Variants in GSE1 observed in about 807,000 individuals in gnomAD.
The protein encoded by GSE1 is genetic suppressor element 1.
In GSE1, 32 loss-of-function variants were observed where a neutral mutation model predicts 112.6. The ratio of observed to expected loss-of-function variants is 0.28; its 90% CI spans 0.21 to 0.38. The LOEUF (loss-of-function observed/expected upper bound fraction) is 0.38, where lower values mean the gene tolerates loss of function less well. GSE1 is among the 10% of genes least tolerant of loss of function. GSE1 has a pLI of 1.00. For synonymous variants in GSE1, 1,115 were observed against 735.6 expected, an observed-to-expected ratio of 1.52 and a Z score of -8.35; for missense variants, 2,348 against 1,699.2, an observed-to-expected ratio of 1.38 and a Z score of -6.71.
chr16:85,671,247 C>A, intron 15 of GSE1, 149 bp downstream of exon 15: 1 of 508,442 alleles, frequency 2.0e-6, no homozygotes, highest in South Asian at 2.3e-5. Context: ...GAGACCATCC[C>A]GGCTAAAACG....
intron 1 of GSE1, among the ~76,000 whole-genome samples, chr16:85,186,320 A>G (rs969016733): frequency 1.3e-5 from 2 of 151,740 alleles, no homozygotes; most frequent in African/African-American, 2.4e-5. Flanking sequence ...TAATTAAAAA[A>G]TTGTCCGGGT....
chr16:85,581,421 C>T (rs1419472431), intron 1 of GSE1, among the ~76,000 whole-genome samples: 3 of 152,176 alleles, frequency 2.0e-5, no homozygotes, highest in Admixed American at 6.5e-5. Context: ...TGGGAAGGGT[C>T]TCTGCTGAAG....
chr16:85,333,470 C>T lies in GSE1; in HGVS notation c.2284-23993C>T, dbSNP rs146153796. On this transcript the variant is annotated intron_variant, in intron 1 of 2. Coordinates refer to the GSE1 transcript ENST00000637419. ...GGCTCCTCTGAGTGCGGCTGCAGCC[C>T]GGCCTCGGGCCCTTCCACTTTGCCC... is the stretch of plus-strand genomic sequence containing the variant. Among the ~76,000 whole-genome samples the T allele has an allele frequency of 4.3e-3, 652 of 152,346 alleles. 9 individuals are homozygous for T. The highest frequency in any genetic ancestry group is 0.015 in the African/African-American group (616 of 41,588).
chr16:85,492,812 T>G (rs1306834794), intron 2 of GSE1, among the ~76,000 whole-genome samples: 1 of 152,168 alleles, frequency 6.6e-6, no homozygotes, highest in African/African-American at 2.4e-5. Context: ...GGAGTGGTGC[T>G]GGGCTCAGAT....
At chr16:85,650,061 C>G (rs1429682217) in intron 3 of GSE1, among the ~76,000 whole-genome samples, 1 of 152,164 alleles carries the variant, frequency 6.6e-6, no homozygotes, top group Admixed American at 6.5e-5. Flanking sequence ...GCCCAGGGTC[C>G]TCACCTTGCT....
At chr16:85,262,141 G>A (rs1288867965) in intron 1 of GSE1, among the ~76,000 whole-genome samples, 14 of 152,154 alleles carry the variant, frequency 9.2e-5, no homozygotes, top group Admixed American at 9.2e-4. Flanking sequence ...CAAACAAGAA[G>A]CCTGCTCTTC....
chr16:85,287,865 C>T lies in GSE1; in HGVS notation c.2284-69598C>T, dbSNP rs1229024422. Among the ~76,000 whole-genome samples, 4 of 152,310 alleles carry T rather than the reference C, an allele frequency of 2.6e-5. No individual in the cohort carries two copies. In the East Asian group the frequency reaches 7.7e-4, roughly 29 times the overall value. On this transcript the variant is annotated intron_variant, in intron 1 of 2. Coordinates refer to the GSE1 transcript ENST00000637419. ...GGCTGGTCTGTTTTGTTCACAGCGG[C>T]ATCCCTAGGACTCAGAATAATGCCT...
At chr16:85,409,630 A>G (rs1170440467) in intron 2 of GSE1, among the ~76,000 whole-genome samples, 1 of 6,964 alleles carries the variant, frequency 1.4e-4, no homozygotes, top group African/African-American at 1.9e-4. Context: ...CCTCACCGTT[A>G]CACTCAGGGC....
At chr16:85,299,524 C>T (rs958545425) in intron 1 of GSE1, among the ~76,000 whole-genome samples, 2 of 152,232 alleles carry the variant, frequency 1.3e-5, no homozygotes, top group South Asian at 2.1e-4. Context: ...CTCTGGGCCT[C>T]CAGTGAACTT....
chr16:85,487,405 C>T (rs1026922460), intron 2 of GSE1, among the ~76,000 whole-genome samples: 1 of 152,106 alleles, frequency 6.6e-6, no homozygotes, highest in Admixed American at 6.5e-5. Context: ...ACAGGCATGT[C>T]GAGGGCCTGA....
chr16:85,336,084 C>A (rs538069322), intron 1 of GSE1, among the ~76,000 whole-genome samples: 9 of 152,128 alleles, frequency 5.9e-5, no homozygotes, highest in Admixed American at 2.0e-4. Flanking sequence ...GCTGCCCCTG[C>A]CCCGGGTTCA....
At chr16:85,600,304 T>C (rs1178695894) in intron 1 of GSE1, among the ~76,000 whole-genome samples, 1 of 152,196 alleles carries the variant, frequency 6.6e-6, no homozygotes. Flanking sequence ...GTGATCACCC[T>C]GTGCCCAAAT....
At chr16:85,478,907 CTT>C (rs765115585) in intron 2 of GSE1, among the ~76,000 whole-genome samples, 91 of 50,924 alleles carry the variant, frequency 1.8e-3, no homozygotes, top group African/African-American at 4.5e-3. Flanking sequence ...TTCTTTCTTT[CTT>C]TCTTTCTTTC....
intron 1 of GSE1, among the ~76,000 whole-genome samples, chr16:85,232,332 G>C (rs1296326258): frequency 6.6e-6 from 1 of 152,136 alleles, no homozygotes; most frequent in Non-Finnish European, 1.5e-5. Flanking sequence ...CTGTCCACTT[G>C]ACATCTACTC....
At chr16:85,500,300 G>C (rs2051317200) in intron 2 of GSE1, among the ~76,000 whole-genome samples, 1 of 152,186 alleles carries the variant, frequency 6.6e-6, no homozygotes, top group African/African-American at 2.4e-5. Context: ...CTCCAGAGAA[G>C]TGATAAACAG....
intron 1 of GSE1, among the ~76,000 whole-genome samples, chr16:85,209,939 C>T (rs1293714726): frequency 6.6e-6 from 1 of 152,208 alleles, no homozygotes; most frequent in Non-Finnish European, 1.5e-5. Flanking sequence ...TGTGATTTAG[C>T]AGGGGATTTT....
In GSE1 at chr16:85,634,126, C is replaced by T. The variant is rs1359468741; in HGVS notation, c.220C>T (p.Pro74Ser). The T allele has an allele frequency of 6.6e-7, 1 of 1,512,960 alleles. No homozygotes were observed. The highest frequency in any genetic ancestry group is 2.5e-5 in the East Asian group (1 of 40,004). 93.7% of individuals were successfully genotyped at this position (1,512,960 alleles called of 1,614,324 possible). ...CAAGCTCGCCAAACAGGCGGAGGAG[C>T]CCAGAGGTAAGGGGGCCCGCCAGGC... is the stretch of plus-strand genomic sequence containing the variant. Reference protein sequence around the residue: ...LRKLAKQAEEPRGSSLSSESS... With the variant: ...LRKLAKQAEESRGSSLSSESS... Residue 74 changes from proline (P) to serine (S), a missense_variant, in exon 2 of 16, where the codon CCC becomes TCC. Coordinates refer to ENST00000253458, the MANE Select transcript of GSE1 (RefSeq NM_014615.5).
chr16:85,210,168 A>G (rs1338578438), intron 1 of GSE1, among the ~76,000 whole-genome samples: 1 of 152,244 alleles, frequency 6.6e-6, no homozygotes, highest in South Asian at 2.1e-4. Flanking sequence ...GCAGGTGTCA[A>G]GGGTTTGAGA....
intron 1 of GSE1, among the ~76,000 whole-genome samples, chr16:85,556,852 C>G (rs892153223): frequency 2.0e-4 from 31 of 151,888 alleles, no homozygotes; most frequent in Admixed American, 1.8e-3. Context: ...CCGCCGCCCC[C>G]CTTCCTGCCT....
Sources: gnomAD v4.1 joint callset for allele counts (sites outside exome capture counted in the v4.1 genomes callset) on GRCh38, gnomAD v4.1.1 for gene constraint, MANE v1.5 for transcripts, NCBI Gene and HGNC (gene_info 2026-07-23, HGNC 2026-07-21) for gene names.